CTNNA2: variants seen among roughly 807,000 people sequenced by gnomAD.
The protein encoded by CTNNA2 is catenin alpha-2.
Under a neutral mutation model 101.0 loss-of-function variants are expected in CTNNA2, and 42 were observed. The ratio of observed to expected loss-of-function variants is 0.42; its 90% confidence interval spans 0.32 to 0.54. CTNNA2 has a LOEUF of 0.54. Among genes scored for constraint, CTNNA2 ranks in the 20% least tolerant of loss-of-function variants. The pLI is 0.14. For missense variants in CTNNA2, 871 were observed against 1,223.1 expected, an observed-to-expected ratio of 0.71 and a Z score of 4.29; for synonymous variants, 450 against 456.4, an observed-to-expected ratio of 0.99 and a Z score of 0.18.
chr2:79,675,758 T>A (rs903012529), intron 2 of CTNNA2, among the ~76,000 whole-genome samples: 1 of 152,208 alleles, frequency 6.6e-6, no homozygotes, highest in African/African-American at 2.4e-5. Flanking sequence ...CGGCATGTAG[T>A]AGTTACTGAA....
Position 79,336,838 on chromosome 2 carries a change from C to G in CTNNA2, c.-318+24042C>G, listed in dbSNP as rs34035054. On this transcript the variant is annotated intron_variant, in intron 3 of 21. Coordinates refer to the CTNNA2 transcript ENST00000466387. ...TTAGAATTTCTTGAAAGAGGAAATG[C>G]GTGGTGGCATGGTGGTGTTGTCTAT... Among the ~76,000 whole-genome samples, 12 of 151,872 alleles carry G rather than the reference C, an allele frequency of 7.9e-5. 1 individual carries two copies. The highest frequency in any genetic ancestry group is 2.7e-4 in the African/African-American group (11 of 41,334).
chr2:80,024,923 G>A (rs1694839969), intron 7 of CTNNA2, among the ~76,000 whole-genome samples: 1 of 152,184 alleles, frequency 6.6e-6, no homozygotes, highest in Non-Finnish European at 1.5e-5. Flanking sequence ...GATGGTGTAT[G>A]AGGAAGATTT....
rs1367451690 is a variant in CTNNA2, at chr2:80,303,114, G to A, written c.1057-90097G>A. On this transcript the variant is annotated intron_variant, in intron 7 of 18. Transcript: ENST00000402739. The surrounding 1 kb of genome is among the most constrained non-coding windows in gnomAD (Gnocchi z 7.7). ...TTGTTCCTCCGCAGGCAGAGCGAGT[G>A]CAGGGAGATGAGGCGCGGGAAGTGG... 1 of 1,614,020 alleles carries A rather than the reference G, an allele frequency of 6.2e-7. No homozygotes were observed. Among genetic ancestry groups the A allele is most frequent in the Admixed American group, 1.7e-5 (1 of 59,992 alleles).
chr2:80,205,932 G>A lies in CTNNA2; in HGVS notation c.1057-187279G>A, dbSNP rs527487748. Among the ~76,000 whole-genome samples, 23 of 152,258 alleles carry A rather than the reference G, an allele frequency of 1.5e-4. 1 individual carries two copies. The highest frequency in any genetic ancestry group is 1.2e-3 in the Admixed American group (19 of 15,298). On this transcript the variant is annotated intron_variant, in intron 7 of 18. Transcript: ENST00000402739. ...GTTTTTTAAATTGATTCAGGACAAT[G>A]CATTTAAAACATATTTATAAAGCAC...
At chr2:79,431,195 C>T (rs1331558934) in intron 4 of CTNNA2, among the ~76,000 whole-genome samples, 1 of 152,122 alleles carries the variant, frequency 6.6e-6, no homozygotes, top group Admixed American at 6.6e-5. Context: ...ATACTCACCA[C>T]TTTATCCTGA....
chr2:79,486,211 C>T (rs1173484872), intron 4 of CTNNA2, among the ~76,000 whole-genome samples: 1 of 150,836 alleles, frequency 6.6e-6, no homozygotes, highest in Non-Finnish European at 1.5e-5. Context: ...TCTCCTAATG[C>T]TATCCCTCCC....
intron 7 of CTNNA2, among the ~76,000 whole-genome samples, chr2:80,185,693 G>A (rs531171372): frequency 1.3e-5 from 2 of 152,210 alleles, no homozygotes; most frequent in East Asian, 1.9e-4. Flanking sequence ...GTTAAAGAGC[G>A]GCATGTTAAA....
intron 7 of CTNNA2, among the ~76,000 whole-genome samples, chr2:80,334,698 G>A (rs1348870426): frequency 6.6e-6 from 1 of 152,174 alleles, no homozygotes; most frequent in Non-Finnish European, 1.5e-5. Context: ...CAGAGGGTGA[G>A]TGAAATCCTC....
chr2:80,225,280 T>G (rs1391539962), intron 7 of CTNNA2, among the ~76,000 whole-genome samples: 3 of 152,182 alleles, frequency 2.0e-5, no homozygotes, highest in Non-Finnish European at 4.4e-5. Context: ...CGATTGCCCT[T>G]TTCTCAACTT....
chr2:80,147,352 C>T (rs539410650), intron 7 of CTNNA2, among the ~76,000 whole-genome samples: 12 of 152,178 alleles, frequency 7.9e-5, no homozygotes, highest in Middle Eastern at 3.4e-3. Flanking sequence ...TCCACCAACT[C>T]GGCCTCCCAA....
At chr2:80,239,507 T>C (rs772968981) in intron 7 of CTNNA2, among the ~76,000 whole-genome samples, 3 of 152,108 alleles carry the variant, frequency 2.0e-5, no homozygotes, top group Admixed American at 1.3e-4. Flanking sequence ...GGAGGTCTAA[T>C]AGTACACTGT....
intron 7 of CTNNA2, among the ~76,000 whole-genome samples, chr2:80,151,138 A>C (rs1573232338): frequency 6.6e-6 from 1 of 152,202 alleles, no homozygotes; most frequent in African/African-American, 2.4e-5. Context: ...GTTTCGTCCC[A>C]GGCTCTGTGC....
chr2:79,934,832 C>T (rs1426770808), intron 7 of CTNNA2, among the ~76,000 whole-genome samples: 1 of 152,188 alleles, frequency 6.6e-6, no homozygotes, highest in African/African-American at 2.4e-5. Context: ...ATGTAGGTAG[C>T]ATTACTGAAA....
intron 3 of CTNNA2, among the ~76,000 whole-genome samples, chr2:79,760,058 T>A (rs985964280): frequency 3.9e-5 from 6 of 152,178 alleles, no homozygotes; most frequent in Non-Finnish European, 7.3e-5. Context: ...ATTTGAAACC[T>A]GACTCAATAA....
intron 7 of CTNNA2, among the ~76,000 whole-genome samples, chr2:80,005,690 G>A (rs892297985): frequency 6.6e-6 from 1 of 151,948 alleles, no homozygotes; most frequent in Non-Finnish European, 1.5e-5. Flanking sequence ...ATATTAATAG[G>A]TCAGCTGCAT....
rs373885016 is a variant in CTNNA2, at chr2:79,305,285, C to T, written c.-405-7424C>T. Among the ~76,000 whole-genome samples, 23 of 148,678 alleles carry T rather than the reference C, an allele frequency of 1.5e-4. No individual in the cohort carries two copies. In the South Asian group the frequency reaches 3.4e-3, roughly 22 times the overall value. On this transcript the variant is annotated intron_variant, in intron 2 of 21. Coordinates refer to the CTNNA2 transcript ENST00000466387. ...GAGTATATATGCATATATGTAGATA[C>T]GTGTGTGTGTATATATATACATATA...
intron 7 of CTNNA2, among the ~76,000 whole-genome samples, chr2:79,937,459 C>G (rs1334201387): frequency 6.6e-6 from 1 of 152,212 alleles, no homozygotes; most frequent in Non-Finnish European, 1.5e-5. Context: ...TATGTCTTCA[C>G]TCATGATTTC....
intron 1 of CTNNA2, among the ~76,000 whole-genome samples, chr2:79,554,218 TAA>T (rs974082723): frequency 2.6e-5 from 4 of 152,072 alleles, no homozygotes; most frequent in Middle Eastern, 3.4e-3. Context: ...TTTTTTTTTT[TAA>T]AACACAAATC....
intron 7 of CTNNA2, chr2:80,328,397 G>T (rs1182844824): frequency 2.1e-6 from 1 of 470,780 alleles, no homozygotes; most frequent in Non-Finnish European, 4.4e-6. Context: ...CTCCATAGGG[G>T]AATGGCTAGG....
Sources: gnomAD v4.1 joint callset for allele counts (sites outside exome capture counted in the v4.1 genomes callset) on GRCh38, gnomAD v4.1.1 for gene constraint, Gnocchi (gnomAD v3.1) non-coding constraint, MANE v1.5 for transcripts, NCBI Gene and HGNC (gene_info 2026-07-23, HGNC 2026-07-21) for gene names.